Variants in SNX1 observed in about 807,000 individuals in gnomAD.
The protein encoded by SNX1 is sorting nexin 1.
Under a neutral mutation model 71.8 loss-of-function variants are expected in SNX1, and 36 were observed. That is an observed-to-expected ratio of 0.50 (90% CI 0.38 to 0.66). The LOEUF is 0.66. Ranked by LOEUF, SNX1 falls within the 30% of genes least tolerant of loss-of-function variation. The pLI, the probability that SNX1 is intolerant of heterozygous loss-of-function variation, is 0.00. For synonymous variants in SNX1, 254 were observed against 240.7 expected, an observed-to-expected ratio of 1.06 and a Z score of -0.51; for missense variants, 612 against 646.7, an observed-to-expected ratio of 0.95 and a Z score of 0.58.
chr15:64,127,310 G>A, intron 7 of SNX1, 58 bp downstream of exon 7: 1 of 1,373,200 alleles, frequency 7.3e-7, no homozygotes, highest in Non-Finnish European at 1.0e-6. Flanking sequence ...AAGCTGAAAA[G>A]TGAGTCTAAA....
At chr15:64,127,284 T>C (rs1485824899) in intron 7 of SNX1, 32 bp downstream of exon 7, 4 of 1,542,158 alleles carry the variant, frequency 2.6e-6, no homozygotes, top group Non-Finnish European at 3.6e-6. Context: ...TCCTGAATAA[T>C]GTGAGGACAA....
At chr15:64,101,614 A>G (rs904658123) in intron 1 of SNX1, among the ~76,000 whole-genome samples, 1 of 152,232 alleles carries the variant, frequency 6.6e-6, no homozygotes, top group Non-Finnish European at 1.5e-5. Flanking sequence ...TCTTTTGGAT[A>G]TATATCCAGA....
intron 5 of SNX1, among the ~76,000 whole-genome samples, chr15:64,124,147 C>CATATATATATATATATATATAT (rs10523424): frequency 1.2e-3 from 126 of 105,346 alleles, no homozygotes; most frequent in African/African-American, 3.0e-3. Context: ...GAAATCTTTA[C>CATATATATATATATATATATAT]ATATATATAT....
intron 1 of SNX1, among the ~76,000 whole-genome samples, chr15:64,099,734 A>T (rs907892611): frequency 1.3e-5 from 2 of 152,348 alleles, no homozygotes; most frequent in Non-Finnish European, 2.9e-5. Flanking sequence ...TTTTTGAGAC[A>T]TAGTCTCACT....
chr15:64,112,516 C>G (rs969478127), intron 1 of SNX1, 57 bp from the exon 2 acceptor site: 3 of 1,219,882 alleles, frequency 2.5e-6, no homozygotes, highest in Non-Finnish European at 3.5e-6. Flanking sequence ...GCTTTCTAGG[C>G]AAGTTGGGTT....
intron 1 of SNX1, among the ~76,000 whole-genome samples, chr15:64,097,363 C>G (rs915834891): frequency 3.3e-5 from 5 of 152,164 alleles, no homozygotes; most frequent in African/African-American, 1.2e-4. Context: ...TCCCTGCCCC[C>G]AAACCCAGGG....
Position 64,118,816 on chromosome 15 carries a change from T to G in SNX1, c.428T>G (p.Phe143Cys), listed in dbSNP as rs368778345. Residue 143 changes from phenylalanine (F) to cysteine (C), a missense_variant, in exon 4 of 15, where the codon TTT becomes TGT. Coordinates refer to ENST00000559844, the MANE Select transcript of SNX1 (RefSeq NM_003099.5). ...GAGGAAGAAGAACAGGAGGATCAAT[T>G]TGATTTGACAGTCGGTATAACTGAT... is the stretch of plus-strand genomic sequence containing the variant. ...ELEEEEQEDQ[F>C]DLTVGITDPE... is the part of the protein sequence containing the mutation. 3 of 1,613,710 alleles carry G rather than the reference T, an allele frequency of 1.9e-6. No individual in the cohort carries two copies. Among genetic ancestry groups the G allele is most frequent in the Non-Finnish European group, 1.7e-6 (2 of 1,179,738 alleles).
At chr15:64,130,987 T>TA (rs2081300670) in intron 10 of SNX1, among the ~76,000 whole-genome samples, 1 of 152,202 alleles carries the variant, frequency 6.6e-6, no homozygotes. Flanking sequence ...CTTCAAAATC[T>TA]AAAAAATTTA....
At position 64,134,461 on chromosome 15, in the gene SNX1, G is replaced by A; in HGVS notation, c.1222-203G>A. 2 of 590,126 alleles carry A rather than the reference G, an allele frequency of 3.4e-6. No homozygotes were observed. Among genetic ancestry groups the A allele is most frequent in the East Asian group, 5.9e-5 (2 of 34,086 alleles). The allele number at this position is 590,126 out of a possible 1,614,324, so 36.6% of individuals were successfully genotyped here. A position where few individuals can be genotyped will look rare whatever the true frequency, so the allele number is the denominator to read the frequency against. On this transcript the variant is annotated intron_variant, in intron 11 of 14. Coordinates refer to ENST00000559844, the MANE Select transcript of SNX1 (RefSeq NM_003099.5). This position sits in a 1 kb window ranked among gnomAD's most constrained non-coding sequence, Gnocchi z 4.1. Reference sequence around the variant, plus strand: ...AGTAGCATGAAGCAGCATGGCACTGGCCTTCTGGAAGCTTGGAGAGGAGTC... The same window carrying A: ...AGTAGCATGAAGCAGCATGGCACTGACCTTCTGGAAGCTTGGAGAGGAGTC...
intron 9 of SNX1, 45 bp downstream of exon 9, chr15:64,130,074 A>G (rs770315248): frequency 4.6e-6 from 7 of 1,520,894 alleles, no homozygotes; most frequent in Middle Eastern, 3.4e-4. Context: ...CCTCAGGCTT[A>G]TGGGTCAGAA....
At chr15:64,101,738 T>C (rs1265489990) in intron 1 of SNX1, among the ~76,000 whole-genome samples, 1 of 152,242 alleles carries the variant, frequency 6.6e-6, no homozygotes, top group Non-Finnish European at 1.5e-5. Context: ...TTTTAAAACC[T>C]GTTTAATTTT....
chr15:64,126,664 C>G (rs537186114), intron 6 of SNX1, among the ~76,000 whole-genome samples: 1 of 152,276 alleles, frequency 6.6e-6, no homozygotes, highest in Non-Finnish European at 1.5e-5. Context: ...ACTGAAACCT[C>G]CACCTTCCGG....
chr15:64,115,682 A>T (rs909627450), intron 2 of SNX1: 1 of 247,846 alleles, frequency 4.0e-6, no homozygotes, highest in Admixed American at 5.5e-5. Flanking sequence ...TCCCACCTCA[A>T]CCTTCTGAGT....
chr15:64,138,533 G>A lies in SNX1; in HGVS notation c.*915G>A, dbSNP rs3848145. 0.99 allele frequency: 190,941 copies of A among 192,048 alleles called. 94,933 individuals are homozygous for A. The highest frequency in any genetic ancestry group is 1 in the East Asian group (7,646 of 7,646). The allele number at this position is 192,048 out of a possible 1,614,324, so 11.9% of individuals were successfully genotyped here. On this transcript the variant is annotated 3_prime_UTR_variant, in exon 15 of 15. Coordinates refer to ENST00000559844, the MANE Select transcript of SNX1 (RefSeq NM_003099.5). ...AGGTCTGATAATGACTTGATGCTTTGTCTCCATAGACATGAAAGCCATGCC... is the reference window on the plus strand; with the variant it reads ...AGGTCTGATAATGACTTGATGCTTTATCTCCATAGACATGAAAGCCATGCC...
At position 64,134,669 on chromosome 15, in the gene SNX1, C is replaced by T; in HGVS notation, c.1227C>T (p.Ala409=). The T allele has an allele frequency of 6.2e-7, 1 of 1,611,142 alleles. No homozygotes were observed. Among genetic ancestry groups the T allele is most frequent in the Non-Finnish European group, 8.5e-7 (1 of 1,178,756 alleles). Residue 409 remains alanine (A), a synonymous_variant, in exon 12 of 15, where the codon GCC becomes GCT. Coordinates refer to ENST00000559844, the MANE Select transcript of SNX1 (RefSeq NM_003099.5). This position sits in a 1 kb window ranked among gnomAD's most constrained non-coding sequence, Gnocchi z 4.1. ...CCTCAACCCCACCCCCACAGGCTGCCTTCGACCAGCGCATGAAGACATGGC... is the reference window on the plus strand; with the variant it reads ...CCTCAACCCCACCCCCACAGGCTGCTTTCGACCAGCGCATGAAGACATGGC... ...YIRLLAIVRA[A]FDQRMKTWQR...
At position 64,138,256 on chromosome 15, in the gene SNX1, TTAAAA is replaced by T. The variant is rs2081381740; in HGVS notation, c.*642_*646del. On this transcript the variant is annotated 3_prime_UTR_variant, in exon 15 of 15. Transcript: ENST00000559844. ...AGGGAAGGAGTTTTAAAAACATCTC[TTAAAA>T]TAAGAGGAGCAAAATCTATTAAAAC... 1.0e-5 allele frequency: 15 copies of T among 1,439,200 alleles called. No homozygotes were observed. The highest frequency in any genetic ancestry group is 1.3e-5 in the Non-Finnish European group (14 of 1,098,720). The allele number at this position is 1,439,200 out of a possible 1,614,324, so 89.2% of individuals were successfully genotyped here.
At position 64,142,510 on chromosome 15, in the gene SNX1, G is replaced by T. The variant is rs1233521065; in HGVS notation, c.*4892G>T. The T allele has an allele frequency of 2.6e-6, 1 of 389,142 alleles. No homozygotes were observed. Among genetic ancestry groups the T allele is most frequent in the African/African-American group, 2.1e-5 (1 of 47,768 alleles). 24.1% of individuals were successfully genotyped at this position (389,142 alleles called of 1,614,324 possible). On this transcript the variant is annotated 3_prime_UTR_variant, in exon 15 of 15. Coordinates refer to ENST00000559844, the MANE Select transcript of SNX1 (RefSeq NM_003099.5). ...GGAAGAAAATGGGGTCCAGAGCACA[G>T]GAAGGGGACCTGTGTTCAGAGGGTG...
intron 1 of SNX1, among the ~76,000 whole-genome samples, chr15:64,107,520 T>A (rs2081034605): frequency 6.6e-6 from 1 of 152,168 alleles, no homozygotes. Flanking sequence ...AGGCTGGTAA[T>A]TGTGGAGAAA....
intron 10 of SNX1, 36 bp from the exon 11 acceptor site, chr15:64,131,651 A>G: frequency 6.2e-7 from 1 of 1,600,432 alleles, no homozygotes; most frequent in Non-Finnish European, 8.6e-7. Flanking sequence ...TCCTTGTGAG[A>G]TCAGAGAGGC....
Sources: allele counts gnomAD v4.1 joint callset (sites outside exome capture counted in the v4.1 genomes callset), GRCh38; gene constraint gnomAD v4.1.1; non-coding constraint Gnocchi (gnomAD v3.1); transcripts MANE v1.5; gene names NCBI Gene and HGNC (gene_info 2026-07-23, HGNC 2026-07-21).